Variants in SIPA1L3 observed in about 807,000 individuals in gnomAD.
SIPA1L3 encodes signal-induced proliferation-associated 1-like protein 3.
In SIPA1L3, 59 loss-of-function variants were observed where a neutral mutation model predicts 150.1. The ratio of observed to expected loss-of-function variants is 0.39; its 90% CI spans 0.32 to 0.49. The LOEUF is 0.49. SIPA1L3 is among the 20% of genes least tolerant of loss of function. The pLI, the probability that SIPA1L3 is intolerant of heterozygous loss-of-function variation, is 0.86. For missense variants in SIPA1L3, 2,211 were observed against 2,489.5 expected (o/e 0.89, Z 2.38); for synonymous variants, 1,070 against 1,077.6 (o/e 0.99, Z 0.14).
rs113103338 is a variant in SIPA1L3 at position 37,987,516 on chromosome 19, C to T, written c.-378-41573C>T. On this transcript the variant is annotated intron_variant, in intron 1 of 21. Coordinates refer to ENST00000222345, the MANE Select transcript of SIPA1L3 (RefSeq NM_015073.3). ...CATATTATGGGCTGTTCAGCAGCAT[C>T]CCTGGCCTCTACCCACTAGATGCCA... Among the ~76,000 whole-genome samples, 1,270 of 152,298 alleles carry T rather than the reference C, an allele frequency of 8.3e-3. 25 individuals are homozygous for T. The highest frequency in any genetic ancestry group is 0.029 in the African/African-American group (1,200 of 41,550).
chr19:38,197,563 G>T (rs915025401), intron 18 of SIPA1L3, among the ~76,000 whole-genome samples: 1 of 151,422 alleles, frequency 6.6e-6, no homozygotes, highest in Non-Finnish European at 1.5e-5. Context: ...TCTCCTCGTC[G>T]CCAGCTCCTG....
At chr19:38,099,591 T>A (rs2145855838) in intron 4 of SIPA1L3, among the ~76,000 whole-genome samples, 1 of 152,274 alleles carries the variant, frequency 6.6e-6, no homozygotes, top group South Asian at 2.1e-4. Flanking sequence ...AGGGTCTTTG[T>A]TCATTGCACC....
Position 38,088,942 on chromosome 19 carries a change from T to A in SIPA1L3, c.1665+91T>A. On this transcript the variant is annotated intron_variant, in intron 4 of 21. Transcript: ENST00000222345. ...GGGGGCAAACGCTTCCCCAGCTTCA[T>A]CTCATGGAATCCTCCCAACAACCCC... 7 of 1,417,962 alleles carry A rather than the reference T, an allele frequency of 4.9e-6. No individual in the cohort carries two copies. In the South Asian group the frequency reaches 7.4e-5, roughly 15 times the overall value. 87.8% of individuals were successfully genotyped at this position (1,417,962 alleles called of 1,614,324 possible).
At chr19:37,980,865 G>C (rs1202797430) in intron 1 of SIPA1L3, among the ~76,000 whole-genome samples, 2 of 152,234 alleles carry the variant, frequency 1.3e-5, no homozygotes, top group Admixed American at 6.5e-5. Context: ...CTGCGCTCAA[G>C]AAGTGTGACC....
intron 1 of SIPA1L3, among the ~76,000 whole-genome samples, chr19:37,966,415 G>A (rs1286957443): frequency 1.3e-5 from 2 of 152,138 alleles, no homozygotes; most frequent in East Asian, 3.9e-4. Context: ...AGAGCTACTG[G>A]GCCTCAGTTC....
chr19:38,138,968 G>A (rs1232855678), intron 10 of SIPA1L3, among the ~76,000 whole-genome samples: 1 of 150,656 alleles, frequency 6.6e-6, no homozygotes, highest in Non-Finnish European at 1.5e-5. Context: ...GGCCGAGGAG[G>A]ACAGATTACT....
chr19:37,934,082 C>T (rs539596235), intron 1 of SIPA1L3, among the ~76,000 whole-genome samples: 5 of 152,070 alleles, frequency 3.3e-5, no homozygotes, highest in African/African-American at 7.2e-5. Context: ...AAATGGTGAG[C>T]GCGAAGAATC....
At chr19:38,093,701 GC>G (rs1315198048) in intron 4 of SIPA1L3, among the ~76,000 whole-genome samples, 1 of 152,192 alleles carries the variant, frequency 6.6e-6, no homozygotes, top group African/African-American at 2.4e-5. Context: ...TGCCTTCCAA[GC>G]CAGCCAGCCT....
At chr19:37,999,428 A>C (rs1967729170) in intron 1 of SIPA1L3, among the ~76,000 whole-genome samples, 1 of 152,180 alleles carries the variant, frequency 6.6e-6, no homozygotes, top group Non-Finnish European at 1.5e-5. Flanking sequence ...GACGCACATG[A>C]GCAGTCTTGC....
intron 1 of SIPA1L3, among the ~76,000 whole-genome samples, chr19:38,005,248 G>A (rs1967912747): frequency 6.6e-6 from 1 of 152,124 alleles, no homozygotes; most frequent in African/African-American, 2.4e-5. Flanking sequence ...CTTCTTGACT[G>A]TAGTGACACT....
chr19:37,991,070 TAA>T (rs1480822917), intron 1 of SIPA1L3, among the ~76,000 whole-genome samples: 1 of 152,000 alleles, frequency 6.6e-6, no homozygotes, highest in East Asian at 1.9e-4. Flanking sequence ...CTGCCTCTAC[TAA>T]AAATACAAAA....
intron 12 of SIPA1L3, among the ~76,000 whole-genome samples, chr19:38,144,374 G>A (rs1971661377): frequency 6.6e-6 from 1 of 152,252 alleles, no homozygotes; most frequent in African/African-American, 2.4e-5. Context: ...ATGAAAGGAT[G>A]GAGTGAGTGG....
At chr19:37,968,333 A>G (rs1415573004) in intron 1 of SIPA1L3, among the ~76,000 whole-genome samples, 1 of 152,016 alleles carries the variant, frequency 6.6e-6, no homozygotes. Context: ...TCGGCCTCCA[A>G]AGTGCTGGGA....
chr19:38,123,271 TTG>T (rs1484302797), intron 9 of SIPA1L3, among the ~76,000 whole-genome samples: 3,608 of 146,180 alleles, frequency 0.025, 129 homozygotes, highest in African/African-American at 0.087. Context: ...TTTGTTTTTT[TTG>T]TTTTTTTTTT....
At chr19:38,050,964 C>T (rs1166353889) in intron 2 of SIPA1L3, among the ~76,000 whole-genome samples, 2 of 152,064 alleles carry the variant, frequency 1.3e-5, no homozygotes, top group Non-Finnish European at 2.9e-5. Context: ...GAGGCTGAGG[C>T]GGGAGAATCA....
chr19:38,026,352 G>A (rs1382387428), intron 1 of SIPA1L3, among the ~76,000 whole-genome samples: 1 of 152,126 alleles, frequency 6.6e-6, no homozygotes, highest in South Asian at 2.1e-4. Context: ...GTGTTTACTG[G>A]CTCTGATCAT....
At chr19:38,145,529 C>T (rs1345376354) in intron 12 of SIPA1L3, among the ~76,000 whole-genome samples, 6 of 132,958 alleles carry the variant, frequency 4.5e-5, no homozygotes, top group Middle Eastern at 7.1e-3. Flanking sequence ...GCAAAAACTC[C>T]GTCTCAAAAA....
rs144458106 is a variant in SIPA1L3 at position 37,911,310 on chromosome 19, AAAG to A, written c.-379+3953_-379+3955del. On this transcript the variant is annotated intron_variant, in intron 1 of 21. Coordinates refer to ENST00000222345, the MANE Select transcript of SIPA1L3 (RefSeq NM_015073.3). ...TCCTCCTCCCATACCATTCCCCAAA[AAAG>A]GAGGGGGTAGGGATCAAGCTACACC... Among the ~76,000 whole-genome samples the A allele has an allele frequency of 7.9e-3, 1,197 of 152,092 alleles. 5 individuals carry two copies. Among genetic ancestry groups the A allele is most frequent in the South Asian group, 0.013 (64 of 4,816 alleles).
Position 38,081,326 on chromosome 19 carries a change from T to C in SIPA1L3, c.-240T>C. 3 of 497,906 alleles carry C rather than the reference T, an allele frequency of 6.0e-6. No homozygotes were observed. Among genetic ancestry groups the C allele is most frequent in the Non-Finnish European group, 1.1e-5 (3 of 282,140 alleles). 30.8% of individuals were successfully genotyped at this position (497,906 alleles called of 1,614,324 possible). A position where few individuals can be genotyped will look rare whatever the true frequency, so the allele number is the denominator to read the frequency against. ...ACAGCTACTGCCTGCTCTGCGCTAC[T>C]GAGCCACTCGGTCTGGAGCCCCCAG... On this transcript the variant is annotated 5_prime_UTR_variant, in exon 3 of 22. The change abolishes the stop of an existing upstream ORF in the 5' untranslated region. Coordinates refer to ENST00000222345, the MANE Select transcript of SIPA1L3 (RefSeq NM_015073.3).
Sources: allele counts gnomAD v4.1 joint callset (sites outside exome capture counted in the v4.1 genomes callset), GRCh38; gene constraint gnomAD v4.1.1; transcripts MANE v1.5; gene names NCBI Gene and HGNC (gene_info 2026-07-23, HGNC 2026-07-21).